EPHA4: variants seen among roughly 807,000 people sequenced by gnomAD.
The protein encoded by EPHA4 is ephrin type-A receptor 4.
A neutral mutation model predicts 108.3 loss-of-function variants in EPHA4; 19 were observed. That is an observed-to-expected ratio of 0.18 (90% confidence interval 0.12 to 0.26). The LOEUF (loss-of-function observed/expected upper bound fraction) is 0.26, where lower values mean the gene tolerates loss of function less well. EPHA4 is among the 10% of genes least tolerant of loss of function. The pLI, the probability that EPHA4 is intolerant of heterozygous loss-of-function variation, is 1.00. For missense variants in EPHA4, 917 were observed against 1,254.0 expected, an observed-to-expected ratio of 0.73 and a Z score of 4.06; for synonymous variants, 449 against 455.5, an observed-to-expected ratio of 0.99 and a Z score of 0.18.
intron 10 of EPHA4, 47 bp from the exon 11 acceptor site, chr2:221,443,061 G>C (rs766877535): frequency 2.2e-6 from 2 of 929,232 alleles, no homozygotes; most frequent in African/African-American, 4.3e-5. Context: ...ACACATTCAA[G>C]ATGAAAGAAT....
chr2:221,495,705 G>A (rs1310984072), intron 4 of EPHA4, among the ~76,000 whole-genome samples: 2 of 152,158 alleles, frequency 1.3e-5, no homozygotes, highest in African/African-American at 4.8e-5. Flanking sequence ...CTCTCCAGCA[G>A]CGTCAATGGT....
intron 3 of EPHA4, among the ~76,000 whole-genome samples, chr2:221,544,510 G>C (rs975351152): frequency 2.6e-5 from 4 of 152,102 alleles, no homozygotes; most frequent in Non-Finnish European, 5.9e-5. Flanking sequence ...ATTTTTAGTA[G>C]AGATGGGGTT....
At chr2:221,504,398 C>G (rs1382978563) in intron 3 of EPHA4, among the ~76,000 whole-genome samples, 1 of 152,046 alleles carries the variant, frequency 6.6e-6, no homozygotes, top group Non-Finnish European at 1.5e-5. Flanking sequence ...CTTTCATTGG[C>G]TCACCCACTA....
In EPHA4 at chr2:221,572,249, G is replaced by T. The variant is rs1559300081; in HGVS notation, c.-1C>A. 6.2e-7 allele frequency: 1 copy of T among 1,613,764 alleles called. No individual in the cohort carries two copies. Among genetic ancestry groups the T allele is most frequent in the African/African-American group, 1.3e-5 (1 of 75,066 alleles). ...GGGCGAAATAGAAAATCCCAGCCAT[G>T]GTTCGCCGGTGCCAACGCTGCTCCT... On this transcript the variant is annotated 5_prime_UTR_variant, in exon 1 of 18. Transcript: ENST00000281821.
At chr2:221,444,041 C>T (rs1320524011) in intron 9 of EPHA4, among the ~76,000 whole-genome samples, 1 of 152,150 alleles carries the variant, frequency 6.6e-6, no homozygotes. Flanking sequence ...ACATTTTGCC[C>T]AATATCTGGA....
intron 5 of EPHA4, among the ~76,000 whole-genome samples, chr2:221,464,423 C>T (rs2106124227): frequency 6.6e-6 from 1 of 152,194 alleles, no homozygotes; most frequent in East Asian, 1.9e-4. Flanking sequence ...CTAATGATAT[C>T]CTTGTGATTA....
intron 3 of EPHA4, among the ~76,000 whole-genome samples, chr2:221,542,979 G>A (rs1219319081): frequency 6.6e-6 from 1 of 152,172 alleles, no homozygotes; most frequent in East Asian, 1.9e-4. Flanking sequence ...TCATTAATGA[G>A]TATTGCATGG....
chr2:221,509,498 A>G (rs1692760674), intron 3 of EPHA4, among the ~76,000 whole-genome samples: 1 of 152,352 alleles, frequency 6.6e-6, no homozygotes, highest in African/African-American at 2.4e-5. Context: ...GAGAATTCAG[A>G]AAAGATGTAC....
At chr2:221,430,216 C>G (rs559840746) in intron 14 of EPHA4, 65 bp from the exon 15 acceptor site, 1 of 1,492,574 alleles carries the variant, frequency 6.7e-7, no homozygotes, top group Non-Finnish European at 9.0e-7. Context: ...GTTCACCCTT[C>G]CGACTGGCAT....
At chr2:221,476,126 A>G (rs1691648114) in intron 5 of EPHA4, among the ~76,000 whole-genome samples, 1 of 152,220 alleles carries the variant, frequency 6.6e-6, no homozygotes, top group African/African-American at 2.4e-5. Context: ...AAGCTGAGGC[A>G]TGAGAATCGC....
At chr2:221,561,611 C>A (rs115328776) in intron 3 of EPHA4, among the ~76,000 whole-genome samples, 1 of 152,184 alleles carries the variant, frequency 6.6e-6, no homozygotes, top group Non-Finnish European at 1.5e-5. Flanking sequence ...CCTTCGAGGA[C>A]GCACGTGATT....
intron 15 of EPHA4, among the ~76,000 whole-genome samples, chr2:221,429,352 T>G (rs977938628): frequency 4.6e-5 from 7 of 152,188 alleles, no homozygotes; most frequent in African/African-American, 1.7e-4. Context: ...TAACTACCTC[T>G]TTCAGGTGGT....
intron 2 of EPHA4, among the ~76,000 whole-genome samples, chr2:221,567,996 T>A (rs919888924): frequency 6.6e-6 from 1 of 152,018 alleles, no homozygotes; most frequent in Admixed American, 6.6e-5. Flanking sequence ...TTAGGGGGAG[T>A]AGGAGAATGT....
In EPHA4 at chr2:221,539,734, T is replaced by C. The variant is rs965501411; in HGVS notation, c.823+23997A>G. 1.3e-5 allele frequency among the ~76,000 whole-genome samples: 2 copies of C among 152,124 alleles called. 1 individual carries two copies. Among genetic ancestry groups the C allele is most frequent in the Non-Finnish European group, 2.9e-5 (2 of 68,014 alleles). On this transcript the variant is annotated intron_variant, in intron 3 of 17. Transcript: ENST00000281821. Reference sequence around the variant, plus strand: ...ATAAGAGCTAATATTTAAAAGCCAATGGTGGTTTCAGAGTAGGAGTGATCA... The same window carrying C: ...ATAAGAGCTAATATTTAAAAGCCAACGGTGGTTTCAGAGTAGGAGTGATCA...
chr2:221,419,300 G>A lies in EPHA4; in HGVS notation c.*2072C>T, dbSNP rs1394653240. ...ATATTAATTACTGTAGAACTTTCCA[G>A]GTAATTAGGGAATGTGAAATTGCCT... On this transcript the variant is annotated 3_prime_UTR_variant, in exon 18 of 18. Transcript: ENST00000281821. 1 of 152,564 alleles carries A rather than the reference G, an allele frequency of 6.6e-6. No homozygotes were observed. Among genetic ancestry groups the A allele is most frequent in the East Asian group, 1.9e-4 (1 of 5,188 alleles). The allele number at this position is 152,564 out of a possible 1,614,324, so 9.5% of individuals were successfully genotyped here. A position where few individuals can be genotyped will look rare whatever the true frequency, so the allele number is the denominator to read the frequency against.
rs570212585 is a variant in EPHA4, at chr2:221,524,903, G to C, written c.824-23731C>G. Among the ~76,000 whole-genome samples the C allele has an allele frequency of 3.9e-5, 6 of 152,170 alleles. No homozygotes were observed. The South Asian group carries it at 1.2e-3, about 32-fold the overall frequency. ...TCCCAATTCAGAGATTTAAAATGAA[G>C]TTTTCCAAGTAACAATTATATTTTT... On this transcript the variant is annotated intron_variant, in intron 3 of 17. Coordinates refer to ENST00000281821, the MANE Select transcript of EPHA4 (RefSeq NM_004438.5).
In EPHA4 at chr2:221,546,837, T is replaced by G. The variant is rs1034047955; in HGVS notation, c.823+16894A>C. Among the ~76,000 whole-genome samples the G allele has an allele frequency of 5.3e-5, 8 of 152,354 alleles. No homozygotes were observed. The East Asian group carries it at 9.6e-4, about 18-fold the overall frequency. On this transcript the variant is annotated intron_variant, in intron 3 of 17. Coordinates refer to ENST00000281821, the MANE Select transcript of EPHA4 (RefSeq NM_004438.5). ...CATCGTGTTTCATATGTGAAATACTTGTATATAGATAGCTAGTCTGCCTGT... is the reference window on the plus strand; with the variant it reads ...CATCGTGTTTCATATGTGAAATACTGGTATATAGATAGCTAGTCTGCCTGT...
chr2:221,443,164 A>T, intron 10 of EPHA4, 150 bp from the exon 11 acceptor site: 1 of 799,914 alleles, frequency 1.3e-6, no homozygotes. Context: ...TGCAACCCTG[A>T]AGTAGATGCT....
chr2:221,453,821 G>A (rs1313871704), intron 8 of EPHA4, among the ~76,000 whole-genome samples: 1 of 152,146 alleles, frequency 6.6e-6, no homozygotes. Flanking sequence ...TTATGTTAGA[G>A]TGAACATAAT....
Sources: allele counts gnomAD v4.1 joint callset (sites outside exome capture counted in the v4.1 genomes callset), GRCh38; gene constraint gnomAD v4.1.1; transcripts MANE v1.5; gene names NCBI Gene and HGNC (gene_info 2026-07-23, HGNC 2026-07-21).